The following MID1 variants were observed in gnomAD, a reference collection of about 807,000 sequenced individuals.
MID1 encodes midline 1, also known as E3 ubiquitin-protein ligase Midline-1.
In MID1, 7 loss-of-function variants were observed where a neutral mutation model predicts 40.4. The observed-to-expected ratio is 0.17, with a 90% CI of 0.10 to 0.33. The LOEUF (loss-of-function observed/expected upper bound fraction) is 0.33. Among genes scored for constraint, MID1 ranks in the 10% least tolerant of loss-of-function variants. The pLI, the probability that MID1 is intolerant of heterozygous loss-of-function variation, is 1.00. For missense variants in MID1, 367 were observed against 558.5 expected (o/e 0.66, Z 3.46); for synonymous variants, 229 against 221.2 (o/e 1.04, Z -0.31).
intron 1 of MID1, among the ~76,000 whole-genome samples, chrX:10,658,216 C>CT (rs2042888338): frequency 9.1e-6 from 1 of 109,438 alleles, no homozygotes; most frequent in Non-Finnish European, 1.9e-5. Flanking sequence ...GCTTCCTTTA[C>CT]TTTCAGTCAG....
chrX:10,696,996 G>A (rs1486398147), intron 1 of MID1, among the ~76,000 whole-genome samples: 1 of 112,012 alleles, frequency 8.9e-6, no homozygotes, highest in Non-Finnish European at 1.9e-5. Flanking sequence ...ATCTCAGTAA[G>A]AAATCTTTAC....
Position 10,814,924 on chromosome X carries a change from T to C in MID1, c.-187+18630A>G, listed in dbSNP as rs189946700. Among the ~76,000 whole-genome samples, 3 of 111,197 alleles carry C rather than the reference T, an allele frequency of 2.7e-5. No homozygotes were observed. The Admixed American group carries it at 2.9e-4, about 11-fold the overall frequency. ...TAGCATTCCATGGTAAAGATTACCA[T>C]TGTTGGTTTAATCCTTCATTTGCTG... is the stretch of plus-strand genomic sequence containing the variant. On this transcript the variant is annotated intron_variant, in intron 1 of 10. Coordinates refer to the MID1 transcript ENST00000380785.
chrX:10,588,041 T>C (rs1211825034), intron 1 of MID1, among the ~76,000 whole-genome samples: 1 of 112,298 alleles, frequency 8.9e-6, no homozygotes, highest in Non-Finnish European at 1.9e-5. Context: ...GCATTTTTAT[T>C]TTAATGTCCA....
intron 2 of MID1, among the ~76,000 whole-genome samples, chrX:10,553,271 AAT>A (rs922109190): frequency 1.0e-4 from 11 of 107,278 alleles, no homozygotes; most frequent in Non-Finnish European, 1.9e-4. Context: ...AAATAAAAAA[AAT>A]ATATATATAT....
intron 1 of MID1, among the ~76,000 whole-genome samples, chrX:10,818,736 A>G (rs1224261414): frequency 8.9e-6 from 1 of 112,274 alleles, no homozygotes; most frequent in Non-Finnish European, 1.9e-5. Context: ...AGGGGATGAT[A>G]TTAGCCAGCA....
chrX:10,542,470 C>A (rs1195075864), intron 2 of MID1, among the ~76,000 whole-genome samples: 1 of 111,172 alleles, frequency 9.0e-6, no homozygotes, highest in African/African-American at 3.3e-5. Context: ...AACTTAAGAC[C>A]CAATTAATGT....
intron 1 of MID1, among the ~76,000 whole-genome samples, chrX:10,661,017 TA>T (rs2042907962): frequency 9.0e-6 from 1 of 111,526 alleles, no homozygotes; most frequent in African/African-American, 3.3e-5. Flanking sequence ...TGCATGTAAT[TA>T]AAAAAACACT....
intron 4 of MID1, among the ~76,000 whole-genome samples, chrX:10,492,709 G>A (rs775008601): frequency 5.4e-5 from 6 of 112,015 alleles, no homozygotes; most frequent in African/African-American, 1.9e-4. Context: ...AGCTACTTTG[G>A]CCTCTTCCAG....
At chrX:10,625,446 A>G (rs774137082), upstream of MID1, among the ~76,000 whole-genome samples, 5 of 112,649 alleles carry the variant, frequency 4.4e-5, no homozygotes, top group Non-Finnish European at 7.5e-5. Flanking sequence ...ATGCCCAAAC[A>G]TTTGTATATC....
intron 3 of MID1, among the ~76,000 whole-genome samples, chrX:10,522,520 G>C (rs1047730166): frequency 1.8e-5 from 2 of 111,148 alleles, no homozygotes; most frequent in Non-Finnish European, 3.8e-5. Context: ...TTTTTGAGAC[G>C]GAGTCTCCCT....
intron 1 of MID1, among the ~76,000 whole-genome samples, chrX:10,780,704 A>T (rs1014672209): frequency 4.5e-5 from 5 of 111,941 alleles, no homozygotes; most frequent in African/African-American, 1.6e-4. Flanking sequence ...GAGTTCCTTT[A>T]CACCAGATTG....
rs1928035796 is a variant in MID1, at chrX:10,446,310, A to G, written c.*3058T>C. 2 of 112,031 alleles carry G rather than the reference A, an allele frequency of 1.8e-5. No homozygotes were observed. Among genetic ancestry groups the G allele is most frequent in the South Asian group, 7.5e-4 (2 of 2,664 alleles). The allele number at this position is 112,031 out of a possible 1,213,427, so 9.2% of individuals were successfully genotyped here. Reference sequence around the variant, plus strand: ...TGCGTGTCTCTTTGCAGGTATCTGCATGTTCCTGGAGCTGAGATGGAATTC... The same window carrying G: ...TGCGTGTCTCTTTGCAGGTATCTGCGTGTTCCTGGAGCTGAGATGGAATTC... On this transcript the variant is annotated 3_prime_UTR_variant, in exon 10 of 10. Coordinates refer to ENST00000317552, the MANE Select transcript of MID1 (RefSeq NM_000381.4).
At chrX:10,790,300 C>T (rs1380696924) in intron 1 of MID1, among the ~76,000 whole-genome samples, 1 of 109,705 alleles carries the variant, frequency 9.1e-6, no homozygotes, top group Admixed American at 9.8e-5. Flanking sequence ...CCCACCACGC[C>T]CAGGTAATTT....
chrX:10,458,364 C>T (rs1054609094), intron 8 of MID1, among the ~76,000 whole-genome samples: 1 of 111,814 alleles, frequency 8.9e-6, no homozygotes, highest in Non-Finnish European at 1.9e-5. Flanking sequence ...ACTGAAGGAA[C>T]ACTAAATGCA....
chrX:10,590,781 C>T (rs961725663), intron 1 of MID1, among the ~76,000 whole-genome samples: 2 of 111,872 alleles, frequency 1.8e-5, no homozygotes, highest in Non-Finnish European at 3.8e-5. Flanking sequence ...TTGTAAAACA[C>T]GAATACAAGG....
rs1249213444 is a variant in MID1 at position 10,637,592 on chromosome X, T to C, written c.-186-17173A>G. Among the ~76,000 whole-genome samples, 7 of 105,982 alleles carry C rather than the reference T, an allele frequency of 6.6e-5. No individual in the cohort carries two copies. In the Admixed American group the frequency reaches 7.2e-4, roughly 11 times the overall value. The allele number at this position is 105,982 out of a possible 115,157, so 92.0% of individuals were successfully genotyped here. On this transcript the variant is annotated intron_variant, in intron 1 of 10. Coordinates refer to the MID1 transcript ENST00000380785. Reference sequence around the variant, plus strand: ...GTGAGCCGAGATTGCACCACTGTACTCCAGCCTGGGTGACAGAGCAAGACT... The same window carrying C: ...GTGAGCCGAGATTGCACCACTGTACCCCAGCCTGGGTGACAGAGCAAGACT...
chrX:10,491,262 C>T (rs1037656044), intron 4 of MID1, among the ~76,000 whole-genome samples: 12 of 111,593 alleles, frequency 1.1e-4, no homozygotes, highest in African/African-American at 3.6e-4. Context: ...AATTAGGCTG[C>T]GAGTTGTTCT....
chrX:10,666,265 G>A (rs1385430246), intron 1 of MID1, among the ~76,000 whole-genome samples: 2 of 110,924 alleles, frequency 1.8e-5, no homozygotes, highest in Non-Finnish European at 3.8e-5. Context: ...CGCTATTGAT[G>A]TCTTTCCCCT....
chrX:10,721,036 C>T (rs1395311138), intron 1 of MID1, among the ~76,000 whole-genome samples: 9 of 92,982 alleles, frequency 9.7e-5, no homozygotes, highest in Admixed American at 6.1e-4. Flanking sequence ...CATCACACAC[C>T]AGGGCCTGTT....
Sources: allele counts gnomAD v4.1 joint callset (sites outside exome capture counted in the v4.1 genomes callset), GRCh38; gene constraint gnomAD v4.1.1; transcripts MANE v1.5; gene names NCBI Gene and HGNC (gene_info 2026-07-23, HGNC 2026-07-21).